The following CACNG2 variants were observed in gnomAD, a reference collection of about 807,000 sequenced individuals.
CACNG2 encodes voltage-dependent calcium channel gamma-2 subunit.
In CACNG2, 3 loss-of-function variants were observed where a neutral mutation model predicts 25.9. The observed-to-expected ratio is 0.12, with a 90% confidence interval of 0.05 to 0.30. CACNG2 has a LOEUF of 0.30. Ranked by LOEUF, CACNG2 falls within the 10% of genes least tolerant of loss-of-function variation. The pLI is 1.00. For synonymous variants in CACNG2, 167 were observed against 173.3 expected (o/e 0.96, Z 0.29); for missense variants, 341 against 432.5 (o/e 0.79, Z 1.88).
At chr22:36,699,018 C>T (rs980505634) in intron 1 of CACNG2, among the ~76,000 whole-genome samples, 1 of 152,178 alleles carries the variant, frequency 6.6e-6, no homozygotes, top group Non-Finnish European at 1.5e-5. Context: ...AGACACCTTG[C>T]TTGAACAAGC....
chr22:36,700,498 C>T (rs1336127617), intron 1 of CACNG2, among the ~76,000 whole-genome samples: 1 of 152,214 alleles, frequency 6.6e-6, no homozygotes, highest in Non-Finnish European at 1.5e-5. Flanking sequence ...TCTTGGCTAC[C>T]TATCTCCCTC....
chr22:36,698,121 T>G (rs1937363960), intron 1 of CACNG2, among the ~76,000 whole-genome samples: 2 of 152,138 alleles, frequency 1.3e-5, no homozygotes, highest in Non-Finnish European at 2.9e-5. Context: ...TCATTCTGAC[T>G]TCCGCACCCC....
chr22:36,604,935 G>A (rs753202077), intron 1 of CACNG2, among the ~76,000 whole-genome samples: 3 of 151,972 alleles, frequency 2.0e-5, no homozygotes, highest in Non-Finnish European at 2.9e-5. Flanking sequence ...GTGTCACCAC[G>A]ACTGGCTGAT....
chr22:36,666,270 T>C (rs947084997), intron 1 of CACNG2, among the ~76,000 whole-genome samples: 4 of 152,098 alleles, frequency 2.6e-5, no homozygotes, highest in Admixed American at 6.6e-5. Flanking sequence ...GCTGGGTAAA[T>C]AGTGGCATGC....
intron 2 of CACNG2, among the ~76,000 whole-genome samples, chr22:36,581,330 G>A (rs922824223): frequency 3.6e-4 from 55 of 152,142 alleles, no homozygotes; most frequent in African/African-American, 1.3e-3. Context: ...TTACTCATAG[G>A]CACTGGGGAG....
At chr22:36,638,708 A>G (rs557923555) in intron 1 of CACNG2, among the ~76,000 whole-genome samples, 3 of 152,190 alleles carry the variant, frequency 2.0e-5, no homozygotes, top group African/African-American at 7.2e-5. Flanking sequence ...GACTGTTTTT[A>G]GTTTTTCTCC....
intron 2 of CACNG2, chr22:36,585,285 G>A (rs527845092): frequency 6.6e-6 from 1 of 152,246 alleles, no homozygotes; most frequent in Non-Finnish European, 1.5e-5. Context: ...ACACATGCAG[G>A]GTGCCAGGGA....
chr22:36,668,491 A>C (rs1231440949), intron 1 of CACNG2, among the ~76,000 whole-genome samples: 2 of 130,912 alleles, frequency 1.5e-5, no homozygotes, highest in Admixed American at 7.6e-5. Flanking sequence ...GAGGGGAGTG[A>C]ATTTTTTTTT....
At chr22:36,611,534 T>C (rs1935939437) in intron 1 of CACNG2, among the ~76,000 whole-genome samples, 1 of 152,206 alleles carries the variant, frequency 6.6e-6, no homozygotes, top group African/African-American at 2.4e-5. Flanking sequence ...TGGCCAGGAC[T>C]GACATCAGGC....
intron 2 of CACNG2, among the ~76,000 whole-genome samples, chr22:36,577,157 T>C (rs983136848): frequency 6.6e-6 from 1 of 152,152 alleles, no homozygotes; most frequent in African/African-American, 2.4e-5. Context: ...GAGGAGTAAC[T>C]GAGTACACAC....
intron 2 of CACNG2, among the ~76,000 whole-genome samples, chr22:36,579,409 A>T (rs1211902156): frequency 1.5e-5 from 2 of 131,594 alleles, no homozygotes; most frequent in African/African-American, 5.2e-5. Context: ...TGTCTCAAAA[A>T]AAAAAAAAAA....
At chr22:36,602,790 T>C (rs1328896457) in intron 1 of CACNG2, among the ~76,000 whole-genome samples, 1 of 152,234 alleles carries the variant, frequency 6.6e-6, no homozygotes, top group Non-Finnish European at 1.5e-5. Context: ...CTATATAAGA[T>C]GACGAACTTA....
chr22:36,669,024 G>A (rs898543250), intron 1 of CACNG2, among the ~76,000 whole-genome samples: 1 of 152,112 alleles, frequency 6.6e-6, no homozygotes, highest in Admixed American at 6.6e-5. Flanking sequence ...AATGTCTTCC[G>A]GAAGTGCCCT....
At chr22:36,689,360 C>G (rs1005872477) in intron 1 of CACNG2, among the ~76,000 whole-genome samples, 2 of 152,116 alleles carry the variant, frequency 1.3e-5, no homozygotes, top group African/African-American at 4.8e-5. Context: ...ATAATACATA[C>G]AGTAGACAAA....
intron 1 of CACNG2, among the ~76,000 whole-genome samples, chr22:36,663,918 T>C (rs2145986528): frequency 6.6e-6 from 1 of 152,294 alleles, no homozygotes; most frequent in African/African-American, 2.4e-5. Flanking sequence ...GGAACCAGGC[T>C]GTCGGTTGCA....
chr22:36,611,263 G>C (rs1935935181), intron 1 of CACNG2, among the ~76,000 whole-genome samples: 1 of 152,150 alleles, frequency 6.6e-6, no homozygotes. Flanking sequence ...GGCATTTCTG[G>C]TAGAGGTGAT....
chr22:36,568,865 A>G (rs11912252), intron 2 of CACNG2, among the ~76,000 whole-genome samples: 4,025 of 80,156 alleles, frequency 0.05, 198 homozygotes, highest in African/African-American at 0.17. Context: ...ATAGGGAAGC[A>G]GGGGTGGGAG....
intron 1 of CACNG2, 61 bp downstream of exon 1, chr22:36,702,305 A>C: frequency 8.1e-6 from 6 of 742,580 alleles, no homozygotes; most frequent in African/African-American, 5.0e-5. Flanking sequence ...GAGGGTGGGG[A>C]GGGGGGAGTG....
intron 1 of CACNG2, among the ~76,000 whole-genome samples, chr22:36,695,304 C>A (rs1445684512): frequency 6.6e-6 from 1 of 152,172 alleles, no homozygotes; most frequent in East Asian, 1.9e-4. Flanking sequence ...TTTTTATCCC[C>A]ATTCTGTAGG....
Sources: gnomAD v4.1 joint callset for allele counts (sites outside exome capture counted in the v4.1 genomes callset) on GRCh38, gnomAD v4.1.1 for gene constraint, MANE v1.5 for transcripts, NCBI Gene and HGNC (gene_info 2026-07-23, HGNC 2026-07-21) for gene names.